The following FREM1 variants were observed in gnomAD, a reference collection of about 807,000 sequenced individuals.
FREM1 encodes the protein FRAS1 related extracellular matrix 1.
In FREM1, 220 loss-of-function variants were observed where a neutral mutation model predicts 210.1. That is an observed-to-expected ratio of 1.05 (90% CI 0.94 to 1.17). FREM1 has a LOEUF of 1.17. Ranked by LOEUF, FREM1 falls within the 50% of genes most tolerant of loss-of-function variation. FREM1 has a pLI of 0.00. For synonymous variants in FREM1, 1,189 were observed against 980.2 expected, an observed-to-expected ratio of 1.21 and a Z score of -3.98; for missense variants, 3,454 against 2,675.5, an observed-to-expected ratio of 1.29 and a Z score of -6.42.
intron 16 of FREM1, 55 bp downstream of exon 16, chr9:14,812,757 G>A: frequency 6.5e-7 from 1 of 1,537,634 alleles, no homozygotes; most frequent in East Asian, 2.3e-5. Flanking sequence ...ACACTGAGGA[G>A]TGGAGACTCT....
chr9:14,794,397 C>G (rs1309349222), intron 21 of FREM1, among the ~76,000 whole-genome samples: 1 of 152,200 alleles, frequency 6.6e-6, no homozygotes, highest in Non-Finnish European at 1.5e-5. Flanking sequence ...AGGTTAAGGG[C>G]TGTCCCCAGA....
At position 14,868,948 on chromosome 9, in the gene FREM1, AT is replaced by A; in HGVS notation, c.29del (p.Asn10MetfsTer23). 6.3e-7 allele frequency: 1 copy of A among 1,594,336 alleles called. No homozygotes were observed. Among genetic ancestry groups the A allele is most frequent in the South Asian group, 1.1e-5 (1 of 88,352 alleles). On this transcript the variant is annotated frameshift_variant, in exon 2 of 37. Coordinates refer to ENST00000380880, the MANE Select transcript of FREM1 (RefSeq NM_001379081.2). LOFTEE classifies it high-confidence loss of function. Reference protein sequence around the residue: MNSLSWGAANAVLLLLLLAW... With the variant: MNSLSWGAAXAVLLLLLLAW... ...CCAGGAGGAGCAGCAGCAGCACGGC[AT>A]TCGCAGCCCCCCAACTCAGAGAGTT... is the stretch of plus-strand genomic sequence containing the variant.
chr9:14,740,109 TGCCTCCCTCCTCAGTGCA>T, intron 36 of FREM1, 22 bp downstream of exon 36: 1 of 1,354,790 alleles, frequency 7.4e-7, no homozygotes, highest in Non-Finnish European at 1.0e-6. Context: ...TTCATGTCCT[TGCCTCCCTCCTCAGTGCA>T]GCCTCCCTCC....
chr9:14,879,832 G>T (rs1834467639), intron 1 of FREM1, among the ~76,000 whole-genome samples: 1 of 152,150 alleles, frequency 6.6e-6, no homozygotes, highest in Admixed American at 6.5e-5. Context: ...AATGGGCATG[G>T]AGAAAAATAT....
chr9:14,874,207 A>G (rs1031362160), intron 1 of FREM1, among the ~76,000 whole-genome samples: 10 of 152,122 alleles, frequency 6.6e-5, no homozygotes, highest in African/African-American at 2.4e-4. Context: ...AGGTGAGTTC[A>G]ATTCCTGGGT....
intron 1 of FREM1, among the ~76,000 whole-genome samples, chr9:14,899,233 C>T (rs1345887335): frequency 6.6e-6 from 1 of 152,216 alleles, no homozygotes; most frequent in Non-Finnish European, 1.5e-5. Context: ...GCCATGTCCC[C>T]ACAGTGAGAC....
chr9:14,859,930 G>C (rs1829498776), intron 3 of FREM1, among the ~76,000 whole-genome samples: 1 of 152,166 alleles, frequency 6.6e-6, no homozygotes, highest in African/African-American at 2.4e-5. Context: ...TTGCAGCCTA[G>C]TTTGGGTGCC....
At chr9:14,778,366 C>T (rs1384934503) in intron 24 of FREM1, among the ~76,000 whole-genome samples, 4 of 151,520 alleles carry the variant, frequency 2.6e-5, no homozygotes, top group Non-Finnish European at 4.4e-5. Context: ...AACCCAGTAC[C>T]TTGGCTGGCC....
intron 3 of FREM1, among the ~76,000 whole-genome samples, chr9:14,863,015 G>C (rs899714805): frequency 6.6e-6 from 1 of 151,892 alleles, no homozygotes; most frequent in Non-Finnish European, 1.5e-5. Flanking sequence ...TGTCTCCTAC[G>C]GTCATTCCAT....
chr9:14,759,751 T>C, intron 28 of FREM1, 21 bp downstream of exon 28: 1 of 1,546,910 alleles, frequency 6.5e-7, no homozygotes, highest in Non-Finnish European at 8.7e-7. Context: ...AGCTTGATAA[T>C]TTACATTTCA....
intron 13 of FREM1, among the ~76,000 whole-genome samples, chr9:14,821,655 C>A (rs1176106134): frequency 6.6e-6 from 1 of 152,110 alleles, no homozygotes; most frequent in Non-Finnish European, 1.5e-5. Flanking sequence ...CCGTGTGAGC[C>A]CTTTGGCAGG....
rs1481746156 is a variant in FREM1, at chr9:14,861,034, TATAC to T, written c.330-1554_330-1551del. Among the ~76,000 whole-genome samples the T allele has an allele frequency of 3.6e-4, 27 of 75,548 alleles. 2 individuals carry two copies. The highest frequency in any genetic ancestry group is 1.1e-3 in the African/African-American group (17 of 15,000). The allele number at this position is 75,548 out of a possible 152,430, so 49.6% of individuals were successfully genotyped here. On this transcript the variant is annotated intron_variant, in intron 3 of 36. Transcript: ENST00000380880. ...ATACATATATACACATATATACATA[TATAC>T]ATATATACATATATACATATATACA...
chr9:14,893,729 A>G (rs1223608724), intron 1 of FREM1, among the ~76,000 whole-genome samples: 1 of 152,228 alleles, frequency 6.6e-6, no homozygotes, highest in African/African-American at 2.4e-5. Flanking sequence ...GTTTTTGGTA[A>G]AAGACTATAA....
intron 1 of FREM1, among the ~76,000 whole-genome samples, chr9:14,905,147 C>T (rs1052825289): frequency 3.9e-5 from 6 of 152,060 alleles, no homozygotes; most frequent in Admixed American, 1.3e-4. Context: ...AAGATAATAA[C>T]CATGACTGTT....
intron 22 of FREM1, among the ~76,000 whole-genome samples, chr9:14,790,288 T>C (rs1851076666): frequency 6.6e-6 from 1 of 152,156 alleles, no homozygotes; most frequent in African/African-American, 2.4e-5. Flanking sequence ...TGCCTTTATG[T>C]CATTCTACTT....
chr9:14,847,196 A>G (rs1022904462), intron 7 of FREM1, among the ~76,000 whole-genome samples: 2 of 152,072 alleles, frequency 1.3e-5, no homozygotes, highest in Non-Finnish European at 2.9e-5. Context: ...CAGCAGTTGC[A>G]TCTTCTCCCT....
At chr9:14,850,129 T>C (rs921683312) in intron 6 of FREM1, among the ~76,000 whole-genome samples, 1 of 152,164 alleles carries the variant, frequency 6.6e-6, no homozygotes, top group Non-Finnish European at 1.5e-5. Context: ...TCCACCCTGT[T>C]TGAATCAAGT....
intron 25 of FREM1, 69 bp from the exon 26 acceptor site, chr9:14,770,875 T>C (rs1847447334): frequency 2.6e-6 from 3 of 1,132,864 alleles, no homozygotes; most frequent in Non-Finnish European, 3.9e-6. Context: ...TTGGGCTTTA[T>C]TGGTTCAACA....
intron 22 of FREM1, among the ~76,000 whole-genome samples, chr9:14,789,548 G>A (rs546310204): frequency 6.6e-6 from 1 of 151,990 alleles, no homozygotes; most frequent in African/African-American, 2.4e-5. Flanking sequence ...TTTCAACATG[G>A]CTCATTACTG....
Sources: allele counts gnomAD v4.1 joint callset (sites outside exome capture counted in the v4.1 genomes callset), GRCh38; gene constraint gnomAD v4.1.1; transcripts MANE v1.5; gene names NCBI Gene and HGNC (gene_info 2026-07-23, HGNC 2026-07-21).